CADM2: variants seen among roughly 807,000 people sequenced by gnomAD.
CADM2 encodes the protein cell adhesion molecule 2, also known as immunoglobulin superfamily member 4D.
CADM2 carries 12 observed loss-of-function variants against 49.8 expected under a neutral mutation model. That is an observed-to-expected ratio of 0.24 (90% confidence interval 0.15 to 0.39). The LOEUF (loss-of-function observed/expected upper bound fraction) is 0.39, where lower values mean the gene tolerates loss of function less well. Ranked by LOEUF, CADM2 falls within the 10% of genes least tolerant of loss-of-function variation. The pLI, the probability that CADM2 is intolerant of heterozygous loss-of-function variation, is 1.00. For missense variants in CADM2, 378 were observed against 492.3 expected, an observed-to-expected ratio of 0.77 and a Z score of 2.20; for synonymous variants, 214 against 175.4, an observed-to-expected ratio of 1.22 and a Z score of -1.74.
chr3:85,162,127 T>G (rs1346489614), intron 1 of CADM2, among the ~76,000 whole-genome samples: 1 of 152,240 alleles, frequency 6.6e-6, no homozygotes, highest in Non-Finnish European at 1.5e-5. Context: ...AATATCTAAC[T>G]GCTAGGCATT....
Position 85,935,857 on chromosome 3 carries a change from TGTAA to T in CADM2, c.791+3_791+6del, listed in dbSNP as rs1234612397. Reference sequence around the variant, plus strand: ...ACTTGTGAATCCAAAGGAAAACCACTGTAAGTGAGTTAATGAGCAATAAAGCTTT... The same window carrying T: ...ACTTGTGAATCCAAAGGAAAACCACTGTGAGTTAATGAGCAATAAAGCTTT... On this transcript the variant is annotated splice_donor_variant and splice_donor_region_variant and intron_variant, in intron 7 of 9. Transcript: ENST00000383699. LOFTEE classifies it high-confidence loss of function. The T allele has an allele frequency of 8.9e-6, 14 of 1,568,994 alleles. No individual in the cohort carries two copies. The highest frequency in any genetic ancestry group is 1.4e-5 in the African/African-American group (1 of 73,656).
At chr3:85,705,370 T>C (rs747156715) in intron 1 of CADM2, among the ~76,000 whole-genome samples, 3 of 152,124 alleles carry the variant, frequency 2.0e-5, no homozygotes, top group Non-Finnish European at 2.9e-5. Context: ...CTTTCTCTTA[T>C]TAGAGATTTA....
chr3:85,395,217 G>T (rs191476554), intron 1 of CADM2, among the ~76,000 whole-genome samples: 105 of 146,540 alleles, frequency 7.2e-4, no homozygotes, highest in Non-Finnish European at 1.2e-3. Context: ...AGGATCACAT[G>T]AGCCTGGGAG....
At chr3:85,476,550 T>C (rs1311396942) in intron 1 of CADM2, among the ~76,000 whole-genome samples, 2 of 151,834 alleles carry the variant, frequency 1.3e-5, no homozygotes, top group Non-Finnish European at 2.9e-5. Context: ...AGTTTTTTCA[T>C]GTCTTGTGCA....
rs375702349 is a variant in CADM2 at position 84,984,356 on chromosome 3, T to TAAAAAAAAAAAAAAAA, written c.61+24702_61+24717dup. ...CCTCATAGCCACCTCAAGATTAAGC[T>TAAAAAAAAAAAAAAAA]AAAAAAAAAAAAAAAAAAAAAAAAA... On this transcript the variant is annotated intron_variant, in intron 1 of 9. Transcript: ENST00000383699. 3.3e-4 allele frequency among the ~76,000 whole-genome samples: 22 copies of TAAAAAAAAAAAAAAAA among 67,064 alleles called. 1 individual carries two copies. Among genetic ancestry groups the TAAAAAAAAAAAAAAAA allele is most frequent in the African/African-American group, 1.6e-3 (21 of 13,332 alleles). 44.0% of individuals were successfully genotyped at this position (67,064 alleles called of 152,430 possible).
At chr3:85,356,019 G>A (rs2031825118) in intron 1 of CADM2, among the ~76,000 whole-genome samples, 1 of 152,010 alleles carries the variant, frequency 6.6e-6, no homozygotes, top group South Asian at 2.1e-4. Flanking sequence ...ATAATGTTTT[G>A]AATTAATAAT....
At chr3:85,663,430 C>A (rs2065470867) in intron 1 of CADM2, among the ~76,000 whole-genome samples, 1 of 151,938 alleles carries the variant, frequency 6.6e-6, no homozygotes, top group Non-Finnish European at 1.5e-5. Flanking sequence ...ATCTCTCATT[C>A]TTGCTTTCAT....
At chr3:85,959,150 A>C (rs866826772) in intron 7 of CADM2, among the ~76,000 whole-genome samples, 2,093 of 145,404 alleles carry the variant, frequency 0.014, 40 homozygotes, top group African/African-American at 0.044. Flanking sequence ...TTATCTATCT[A>C]TCTCTCTCTC....
chr3:85,202,432 A>G (rs1315158420), intron 1 of CADM2, among the ~76,000 whole-genome samples: 11 of 152,280 alleles, frequency 7.2e-5, no homozygotes, highest in African/African-American at 2.2e-4. Flanking sequence ...TTCTTCCTGC[A>G]TATCTCCATC....
At chr3:85,325,014 A>G (rs907613825) in intron 1 of CADM2, among the ~76,000 whole-genome samples, 1 of 152,226 alleles carries the variant, frequency 6.6e-6, no homozygotes, top group African/African-American at 2.4e-5. Flanking sequence ...AATCAAAGCT[A>G]AGGAGGTTTT....
At chr3:85,553,187 T>A (rs1319535718) in intron 1 of CADM2, among the ~76,000 whole-genome samples, 2 of 152,102 alleles carry the variant, frequency 1.3e-5, no homozygotes, top group African/African-American at 2.4e-5. Context: ...ATTGTCCATC[T>A]AAAACAGGGA....
At chr3:85,507,195 T>G (rs2040394318) in intron 1 of CADM2, among the ~76,000 whole-genome samples, 1 of 151,190 alleles carries the variant, frequency 6.6e-6, no homozygotes, top group African/African-American at 2.4e-5. Context: ...TTTTTTTTTT[T>G]TTTTTTGAGA....
Position 85,796,741 on chromosome 3 carries a change from A to G in CADM2, c.89-5306A>G, listed in dbSNP as rs557119375. ...TAAGATTTTTTTTTCCAGTGGGGGA[A>G]CAGCGCTTATCAAGCATTTTATTTA... On this transcript the variant is annotated intron_variant, in intron 2 of 9. Transcript: ENST00000383699. Among the ~76,000 whole-genome samples, 3 of 152,206 alleles carry G rather than the reference A, an allele frequency of 2.0e-5. No individual in the cohort carries two copies. The South Asian group carries it at 6.2e-4, about 31-fold the overall frequency.
At chr3:86,039,087 TG>T (rs1449690253) in intron 8 of CADM2, among the ~76,000 whole-genome samples, 1 of 151,954 alleles carries the variant, frequency 6.6e-6, no homozygotes, top group Non-Finnish European at 1.5e-5. Context: ...ACAGAGGGGG[TG>T]GAGCCAAGAT....
intron 1 of CADM2, among the ~76,000 whole-genome samples, chr3:84,966,821 T>A (rs574730505): frequency 6.6e-6 from 1 of 152,214 alleles, no homozygotes; most frequent in South Asian, 2.1e-4. Context: ...TTCAGCCATT[T>A]CATTGTTGAA....
At chr3:86,021,572 G>A (rs977327130) in intron 8 of CADM2, among the ~76,000 whole-genome samples, 5 of 152,048 alleles carry the variant, frequency 3.3e-5, no homozygotes, top group Non-Finnish European at 7.4e-5. Context: ...TTAATGTATG[G>A]TTTCAAGTAA....
chr3:86,037,001 A>G (rs895368592), intron 8 of CADM2, among the ~76,000 whole-genome samples: 11 of 151,960 alleles, frequency 7.2e-5, no homozygotes, highest in Non-Finnish European at 1.6e-4. Context: ...TTCTATTTCT[A>G]TTAATGCTGT....
chr3:85,867,086 G>A (rs1393909093), intron 3 of CADM2, among the ~76,000 whole-genome samples: 4 of 151,886 alleles, frequency 2.6e-5, no homozygotes, highest in Admixed American at 1.3e-4. Context: ...TTATTTTTAG[G>A]CAAAGACAAC....
intron 3 of CADM2, among the ~76,000 whole-genome samples, chr3:85,815,791 A>T (rs1043992499): frequency 1.3e-4 from 20 of 152,162 alleles, no homozygotes; most frequent in Admixed American, 7.2e-4. Context: ...AGTTAGGAAA[A>T]GAGGGAGTCA....
Sources: gnomAD v4.1 joint callset for allele counts (sites outside exome capture counted in the v4.1 genomes callset) on GRCh38, gnomAD v4.1.1 for gene constraint, MANE v1.5 for transcripts, NCBI Gene and HGNC (gene_info 2026-07-23, HGNC 2026-07-21) for gene names.